Variants in LRPPRC observed in about 807,000 individuals in gnomAD.
The protein encoded by LRPPRC is leucine rich pentatricopeptide repeat containing.
LRPPRC carries 120 observed loss-of-function variants against 180.3 expected under a neutral mutation model. The observed-to-expected ratio is 0.67, with a 90% CI of 0.57 to 0.77. LRPPRC has a LOEUF of 0.77. LRPPRC is among the 30% of genes least tolerant of loss of function. The pLI is 0.00. For synonymous variants in LRPPRC, 723 were observed against 600.0 expected (o/e 1.21, Z -3.00); for missense variants, 2,012 against 1,657.2 (o/e 1.21, Z -3.72).
chr2:43,981,152 C>G (rs1674291216), intron 2 of LRPPRC, among the ~76,000 whole-genome samples: 1 of 152,002 alleles, frequency 6.6e-6, no homozygotes, highest in Non-Finnish European at 1.5e-5. Flanking sequence ...AGACCTATAG[C>G]TTGCATCAGG....
In LRPPRC at chr2:43,887,443, T is replaced by C. The variant is rs2104965207; in HGVS notation, c.*1157A>G. 6.6e-6 allele frequency: 1 copy of C among 152,300 alleles called. No homozygotes were observed. The highest frequency in any genetic ancestry group is 2.1e-4 in the South Asian group (1 of 4,818). The allele number at this position is 152,300 out of a possible 1,614,324, so 9.4% of individuals were successfully genotyped here. On this transcript the variant is annotated 3_prime_UTR_variant, in exon 38 of 38. Coordinates refer to ENST00000260665, the MANE Select transcript of LRPPRC (RefSeq NM_133259.4). ...AAGACAGAAGGTCAACAGCACAAGT[T>C]GCAAGAGGCCCGCCTACGTCCCCAA... is the stretch of plus-strand genomic sequence containing the variant.
At chr2:43,966,094 T>C (rs2103681650) in intron 11 of LRPPRC, among the ~76,000 whole-genome samples, 1 of 152,278 alleles carries the variant, frequency 6.6e-6, no homozygotes, top group South Asian at 2.1e-4. Flanking sequence ...GTGGCATATA[T>C]ACACATATAG....
chr2:43,928,953 C>T (rs1337199539), intron 25 of LRPPRC, among the ~76,000 whole-genome samples: 5 of 151,962 alleles, frequency 3.3e-5, no homozygotes, highest in African/African-American at 9.7e-5. Context: ...AGCAAATAGT[C>T]GATTAACACA....
At chr2:43,903,002 T>C (rs1670943316) in intron 31 of LRPPRC, 1 of 152,186 alleles carries the variant, frequency 6.6e-6, no homozygotes, top group South Asian at 2.1e-4. Flanking sequence ...AGAGATTAGT[T>C]TGCCCAAGGT....
At chr2:43,935,964 T>C (rs1181908758) in intron 23 of LRPPRC, among the ~76,000 whole-genome samples, 1 of 152,040 alleles carries the variant, frequency 6.6e-6, no homozygotes, top group African/African-American at 2.4e-5. Context: ...ATGCCTGTAA[T>C]CCCAGCTACT....
intron 9 of LRPPRC, 71 bp from the exon 10 acceptor site, chr2:43,973,971 T>C (rs965054802): frequency 8.8e-7 from 1 of 1,140,212 alleles, no homozygotes; most frequent in Admixed American, 1.7e-5. Context: ...GCAAATATTC[T>C]ACCACTTCTG....
intron 1 of LRPPRC, among the ~76,000 whole-genome samples, chr2:43,993,601 C>T (rs547724836): frequency 6.6e-6 from 1 of 151,874 alleles, no homozygotes; most frequent in Non-Finnish European, 1.5e-5. Flanking sequence ...TACAGGATGT[C>T]GGGTAGGAGA....
rs769912947 is a variant in LRPPRC at position 43,979,887 on chromosome 2, T to C, written c.408A>G (p.Glu136=). 3 of 1,613,458 alleles carry C rather than the reference T, an allele frequency of 1.9e-6. No individual in the cohort carries two copies. The highest frequency in any genetic ancestry group is 1.7e-6 in the Non-Finnish European group (2 of 1,179,438). The change falls in exon 3 of 38, where the codon GAA becomes GAG. Residue 136 remains glutamate, a synonymous_variant. Coordinates refer to ENST00000260665, the MANE Select transcript of LRPPRC (RefSeq NM_133259.4). ...ATTCTGTTCTCTCTTCAAGCTTTAG[T>C]TCAGGCAAGAGAGAACCACAACTAC... ...LLRSCGSLLP[E]LKLEERTEFA...
chr2:43,957,346 C>T, intron 14 of LRPPRC, 39 bp downstream of exon 14: 1 of 1,393,460 alleles, frequency 7.2e-7, no homozygotes, highest in Non-Finnish European at 1.0e-6. Context: ...AGAAATCAGT[C>T]CATGTTCAGG....
At chr2:43,995,025 G>T (rs764386426) in intron 1 of LRPPRC, among the ~76,000 whole-genome samples, 5 of 152,176 alleles carry the variant, frequency 3.3e-5, no homozygotes, top group Non-Finnish European at 5.9e-5. Flanking sequence ...AGGATCGCTT[G>T]AAGTCAGGAG....
chr2:43,964,773 C>A (rs1559023842), intron 11 of LRPPRC, among the ~76,000 whole-genome samples: 1 of 151,904 alleles, frequency 6.6e-6, no homozygotes, highest in Non-Finnish European at 1.5e-5. Flanking sequence ...TCACCATATA[C>A]AAAATTACCT....
chr2:43,909,969 A>C (rs1671199527), intron 30 of LRPPRC, among the ~76,000 whole-genome samples: 1 of 152,212 alleles, frequency 6.6e-6, no homozygotes, highest in Non-Finnish European at 1.5e-5. Flanking sequence ...TGTTTTACAT[A>C]GACAACCCAA....
At chr2:43,890,471 T>C (rs1670448939) in intron 36 of LRPPRC, 2 of 361,180 alleles carry the variant, frequency 5.5e-6, no homozygotes, top group Admixed American at 6.7e-5. Flanking sequence ...CCCAGCACTT[T>C]GGGAGGCCGA....
chr2:43,889,691 A>G, intron 37 of LRPPRC, 43 bp downstream of exon 37: 2 of 1,451,086 alleles, frequency 1.4e-6, no homozygotes, highest in Non-Finnish European at 1.9e-6. Context: ...AGTGCACATA[A>G]ATCTGCAGAG....
At chr2:43,939,000 C>T (rs1481082985) in intron 23 of LRPPRC, among the ~76,000 whole-genome samples, 13 of 151,916 alleles carry the variant, frequency 8.6e-5, no homozygotes, top group Admixed American at 1.3e-4. Flanking sequence ...TGGCCGGGCG[C>T]GGTGGCTCAC....
intron 1 of LRPPRC, among the ~76,000 whole-genome samples, chr2:43,984,509 G>C (rs774333353): frequency 6.6e-6 from 1 of 152,098 alleles, no homozygotes; most frequent in Non-Finnish European, 1.5e-5. Context: ...AGTGTGCTTG[G>C]ATTTAATTAA....
upstream of LRPPRC, chr2:43,996,049 T>C (rs1441169280): frequency 1.1e-5 from 14 of 1,223,942 alleles, no homozygotes; most frequent in Non-Finnish European, 1.6e-5. Context: ...CTGCCGGGCG[T>C]GCCAAATGTG....
At position 43,925,106 on chromosome 2, in the gene LRPPRC, C is replaced by A. The variant is rs752760129; in HGVS notation, c.2857G>T (p.Asp953Tyr). The change falls in exon 27 of 38, where the codon GAT (aspartate) becomes TAT (tyrosine). Residue 953 changes from aspartate (D) to tyrosine (Y), a missense_variant. Physicochemically the swap from Asp to Tyr is radical, Grantham distance 160 (BLOSUM62 -3). Transcript: ENST00000260665. ...AGATTGTAGTACATCTGGTCTCTAT[C>A]ACATTCAAATAGCTTCTGTGTCAGC... ...VELTQKLFEC[D>Y]RDQMYYNLLK... 1 of 1,602,896 alleles carries A rather than the reference C, an allele frequency of 6.2e-7. No individual in the cohort carries two copies. Among genetic ancestry groups the A allele is most frequent in the Non-Finnish European group, 8.5e-7 (1 of 1,169,892 alleles).
intron 20 of LRPPRC, 98 bp from the exon 21 acceptor site, chr2:43,946,341 G>C: frequency 1.1e-6 from 1 of 884,280 alleles, no homozygotes; most frequent in Non-Finnish European, 1.9e-6. Flanking sequence ...AAAGTTAATA[G>C]TACTTTAAAA....
Sources: gnomAD v4.1 joint callset for allele counts (sites outside exome capture counted in the v4.1 genomes callset) on GRCh38, gnomAD v4.1.1 for gene constraint, MANE v1.5 for transcripts, NCBI Gene and HGNC (gene_info 2026-07-23, HGNC 2026-07-21) for gene names.